PLD1: variants seen among roughly 807,000 people sequenced by gnomAD.
PLD1 encodes the protein choline phosphatase 1.
PLD1 carries 112 observed loss-of-function variants against 137.1 expected under a neutral mutation model. That is an observed-to-expected ratio of 0.82 (90% CI 0.70 to 0.96). PLD1 has a LOEUF of 0.96. Among genes scored for constraint, PLD1 ranks in the 40% least tolerant of loss-of-function variants. The pLI is 0.00. For missense variants in PLD1, 1,321 were observed against 1,342.0 expected (o/e 0.98, Z 0.24); for synonymous variants, 431 against 454.7 (o/e 0.95, Z 0.66).
At chr3:171,694,288 C>T (rs1446289035) in intron 12 of PLD1, among the ~76,000 whole-genome samples, 1 of 152,054 alleles carries the variant, frequency 6.6e-6, no homozygotes, top group Non-Finnish European at 1.5e-5. Context: ...TGGTTAACAG[C>T]TGGCTTTTAG....
At chr3:171,791,414 C>G (rs1371155464) in intron 1 of PLD1, among the ~76,000 whole-genome samples, 1 of 152,140 alleles carries the variant, frequency 6.6e-6, no homozygotes, top group Non-Finnish European at 1.5e-5. Flanking sequence ...TCTGGATGCT[C>G]GTGAACATAA....
chr3:171,799,932 CATG>C (rs761344346), intron 1 of PLD1, among the ~76,000 whole-genome samples: 3 of 152,122 alleles, frequency 2.0e-5, no homozygotes, highest in Admixed American at 6.5e-5. Flanking sequence ...TCTGAGCAAC[CATG>C]ATAACCAAGG....
chr3:171,625,998 C>A (rs1042248669), intron 23 of PLD1, among the ~76,000 whole-genome samples: 1 of 152,146 alleles, frequency 6.6e-6, no homozygotes, highest in African/African-American at 2.4e-5. Context: ...CAAAGCTGGA[C>A]GGAGAATGAC....
intron 1 of PLD1, among the ~76,000 whole-genome samples, chr3:171,764,942 GAAAGAAAGAAAGAAA>G (rs1313653332): frequency 0.018 from 284 of 15,352 alleles, 52 homozygotes; most frequent in South Asian, 0.066. Context: ...AGGAAAGAAA[GAAAGAAAGAAAGAAA>G]GAAAGAAAGA....
chr3:171,807,161 T>C (rs892426390), intron 1 of PLD1, among the ~76,000 whole-genome samples: 36 of 151,968 alleles, frequency 2.4e-4, no homozygotes, highest in African/African-American at 8.5e-4. Flanking sequence ...CAAACAAAAC[T>C]GGCCAAGGAT....
intron 1 of PLD1, chr3:171,765,002 GAAAGAGAAAA>G: frequency 6.9e-6 from 1 of 145,240 alleles, no homozygotes; most frequent in East Asian, 2.1e-4. Context: ...AAGAAAGAAA[GAAAGAGAAAA>G]AGAAAAAGAA....
intron 20 of PLD1, among the ~76,000 whole-genome samples, chr3:171,659,882 C>A (rs771142816): frequency 3.6e-4 from 55 of 152,086 alleles, no homozygotes; most frequent in African/African-American, 1.3e-3. Flanking sequence ...TATATATAAG[C>A]CAGTTAATAA....
intron 19 of PLD1, among the ~76,000 whole-genome samples, chr3:171,669,240 G>C (rs781302401): frequency 6.6e-6 from 1 of 152,004 alleles, no homozygotes; most frequent in African/African-American, 2.4e-5. Context: ...ATAACTAGGT[G>C]CCCTTCTCCA....
At chr3:171,779,932 G>C (rs1243472937) in intron 1 of PLD1, among the ~76,000 whole-genome samples, 2 of 146,220 alleles carry the variant, frequency 1.4e-5, no homozygotes, top group African/African-American at 2.5e-5. Context: ...GTTTGGAGAC[G>C]TAAGTCTGAG....
At chr3:171,731,598 G>T (rs1718953179) in intron 6 of PLD1, among the ~76,000 whole-genome samples, 1 of 151,990 alleles carries the variant, frequency 6.6e-6, no homozygotes, top group Non-Finnish European at 1.5e-5. Flanking sequence ...TGGCCAACAT[G>T]GTGAAACCTC....
At chr3:171,631,893 G>A (rs1266441384) in intron 23 of PLD1, among the ~76,000 whole-genome samples, 1 of 152,128 alleles carries the variant, frequency 6.6e-6, no homozygotes, top group Non-Finnish European at 1.5e-5. Flanking sequence ...TCAGCATTTG[G>A]TAACTATCAT....
At chr3:171,764,887 GAAAGAAA>G (rs1721767244) in intron 1 of PLD1, among the ~76,000 whole-genome samples, 1 of 22,416 alleles carries the variant, frequency 4.5e-5, no homozygotes, top group South Asian at 8.5e-4. Flanking sequence ...AAGAAAGAAA[GAAAGAAA>G]GGAAGGAAGG....
intron 1 of PLD1, among the ~76,000 whole-genome samples, chr3:171,790,211 T>C (rs1723161582): frequency 6.6e-6 from 1 of 152,192 alleles, no homozygotes; most frequent in South Asian, 2.1e-4. Context: ...AAGCTTCAGC[T>C]CCACTCACAG....
chr3:171,660,899 G>A (rs1009204059), intron 20 of PLD1, among the ~76,000 whole-genome samples: 4 of 152,040 alleles, frequency 2.6e-5, no homozygotes, highest in South Asian at 2.1e-4. Context: ...ATGAGCCACC[G>A]TGCCCGGCCA....
chr3:171,604,757 T>C (rs1732076705), intron 26 of PLD1, among the ~76,000 whole-genome samples: 1 of 152,234 alleles, frequency 6.6e-6, no homozygotes, highest in African/African-American at 2.4e-5. Flanking sequence ...TTGTTATTAA[T>C]ATTAACAAGA....
chr3:171,655,501 C>T (rs1160848253), intron 21 of PLD1, among the ~76,000 whole-genome samples: 1 of 152,140 alleles, frequency 6.6e-6, no homozygotes, highest in Non-Finnish European at 1.5e-5. Flanking sequence ...GCTAGAACTA[C>T]AGGCACACCA....
chr3:171,679,125 T>A (rs1461126609), intron 16 of PLD1, among the ~76,000 whole-genome samples: 1 of 152,134 alleles, frequency 6.6e-6, no homozygotes, highest in African/African-American at 2.4e-5. Flanking sequence ...GTCTATAAAC[T>A]CTTTGGGAGT....
Position 171,712,228 on chromosome 3 carries a change from C to G in PLD1, c.911+1665G>C, listed in dbSNP as rs550708183. ...GGCTGCTGCTGCTGGGCTGTGGAGA[C>G]AGGGGAGGAGAGACGTGGTGGAGCT... On this transcript the variant is annotated intron_variant, in intron 9 of 26. Transcript: ENST00000351298. Among the ~76,000 whole-genome samples the G allele has an allele frequency of 2.6e-5, 4 of 152,250 alleles. No homozygotes were observed. In the South Asian group the frequency reaches 8.3e-4, roughly 32 times the overall value.
chr3:171,735,405 A>C, intron 4 of PLD1, 87 bp downstream of exon 4: 1 of 1,092,458 alleles, frequency 9.2e-7, no homozygotes, highest in Admixed American at 1.8e-5. Flanking sequence ...CAAAGTGGTG[A>C]GATTACAGGT....
Sources: gnomAD v4.1 joint callset for allele counts (sites outside exome capture counted in the v4.1 genomes callset) on GRCh38, gnomAD v4.1.1 for gene constraint, MANE v1.5 for transcripts, NCBI Gene and HGNC (gene_info 2026-07-23, HGNC 2026-07-21) for gene names.